Variants in THRAP3 observed in about 807,000 individuals in gnomAD.
The protein encoded by THRAP3 is thyroid hormone receptor-associated protein 3.
THRAP3 carries 16 observed loss-of-function variants against 101.0 expected under a neutral mutation model. The observed-to-expected ratio is 0.16, with a 90% CI of 0.11 to 0.24. The LOEUF (loss-of-function observed/expected upper bound fraction) is 0.24. Among genes scored for constraint, THRAP3 ranks in the 10% least tolerant of loss-of-function variants. The pLI is 1.00. For missense variants in THRAP3, 989 were observed against 1,202.7 expected (o/e 0.82, Z 2.63); for synonymous variants, 407 against 422.6 (o/e 0.96, Z 0.45).
chr1:36,242,654 G>A (rs144867657), intron 1 of THRAP3, among the ~76,000 whole-genome samples: 1 of 151,720 alleles, frequency 6.6e-6, no homozygotes, highest in Non-Finnish European at 1.5e-5. Context: ...GGGTTTCACT[G>A]TGTTAGCCAG....
At chr1:36,267,352 G>A (rs1327870769) in intron 2 of THRAP3, among the ~76,000 whole-genome samples, 3 of 151,962 alleles carry the variant, frequency 2.0e-5, no homozygotes, top group Non-Finnish European at 2.9e-5. Flanking sequence ...CCCTCTATTC[G>A]TGTATAATTT....
At chr1:36,283,220 T>C (rs1425703603) in intron 3 of THRAP3, among the ~76,000 whole-genome samples, 5 of 152,338 alleles carry the variant, frequency 3.3e-5, no homozygotes, top group East Asian at 3.9e-4. Context: ...CTTAAAACTT[T>C]TTAAAAATCG....
intron 1 of THRAP3, among the ~76,000 whole-genome samples, chr1:36,245,954 A>G (rs1460125900): frequency 6.6e-6 from 1 of 152,214 alleles, no homozygotes; most frequent in Non-Finnish European, 1.5e-5. Flanking sequence ...CTGTGCTTAC[A>G]GTCGTTCTAA....
At chr1:36,298,635 G>A (rs919345750) in intron 9 of THRAP3, among the ~76,000 whole-genome samples, 2 of 151,978 alleles carry the variant, frequency 1.3e-5, no homozygotes. Context: ...GCTGAGCTAG[G>A]AGTACAGGTA....
chr1:36,229,477 T>G (rs1645002115), intron 1 of THRAP3, among the ~76,000 whole-genome samples: 1 of 151,784 alleles, frequency 6.6e-6, no homozygotes, highest in Non-Finnish European at 1.5e-5. Flanking sequence ...TGTAGAAATT[T>G]TAGTTTCTTT....
intron 2 of THRAP3, among the ~76,000 whole-genome samples, chr1:36,266,705 G>A (rs1305305404): frequency 2.0e-5 from 3 of 152,120 alleles, no homozygotes; most frequent in Non-Finnish European, 2.9e-5. Context: ...AAGTGAGGTT[G>A]GTACTACCTG....
At chr1:36,296,865 G>A (rs1447464579) in intron 9 of THRAP3, 95 bp downstream of exon 9, 18 of 1,024,470 alleles carry the variant, frequency 1.8e-5, no homozygotes, top group Non-Finnish European at 2.4e-5. Flanking sequence ...AGGAGTTTAG[G>A]GTTAGTAATT....
chr1:36,287,903 G>A, intron 4 of THRAP3: 8 of 985,460 alleles, frequency 8.1e-6, no homozygotes, highest in Non-Finnish European at 9.6e-6. Flanking sequence ...TGTTTGTATG[G>A]TTGGATGGAT....
chr1:36,228,809 T>C (rs1644991893), intron 1 of THRAP3, among the ~76,000 whole-genome samples: 1 of 152,168 alleles, frequency 6.6e-6, no homozygotes, highest in Non-Finnish European at 1.5e-5. Flanking sequence ...TAAGAAACAA[T>C]GTTCTAGACC....
In THRAP3 at chr1:36,276,631, C is replaced by T. The variant is rs143857997; in HGVS notation, c.-31-5902C>T. On this transcript the variant is annotated intron_variant, in intron 2 of 11. Transcript: ENST00000354618. ...CAGCACTTTGGGAGGCTGAGACAGG[C>T]AGATCACCTGAGGTCAGGAGTTTGA... 9.6e-3 allele frequency among the ~76,000 whole-genome samples: 1,453 copies of T among 151,886 alleles called. 15 individuals are homozygous for T. Among genetic ancestry groups the T allele is most frequent in the African/African-American group, 0.034 (1,392 of 41,420 alleles).
rs745696305 is a variant in THRAP3, at chr1:36,289,553, C to T, written c.1534C>T (p.His512Tyr). 1 of 1,614,016 alleles carries T rather than the reference C, an allele frequency of 6.2e-7. No individual in the cohort carries two copies. The highest frequency in any genetic ancestry group is 1.7e-5 in the Admixed American group (1 of 59,982). Residue 512 changes from histidine to tyrosine, a missense_variant, in exon 5 of 12, where the codon CAC becomes TAC. Transcript: ENST00000354618. ...EDRGKRSEGG[H>Y]RGFVPEKNFR... ...TCGGGGCAAGAGAAGCGAAGGTGGG[C>T]ACAGGGGCTTTGTGCCTGAGAAGAA...
chr1:36,245,403 A>G (rs889858330), intron 1 of THRAP3, among the ~76,000 whole-genome samples: 15 of 151,590 alleles, frequency 9.9e-5, no homozygotes, highest in African/African-American at 3.4e-4. Context: ...TCCTGACCTC[A>G]GGTGATCTCC....
chr1:36,240,064 G>A (rs890797014), intron 1 of THRAP3, among the ~76,000 whole-genome samples: 2 of 152,166 alleles, frequency 1.3e-5, no homozygotes, highest in African/African-American at 4.8e-5. Flanking sequence ...CATAAGAACA[G>A]CTTGTAACAG....
intron 1 of THRAP3, among the ~76,000 whole-genome samples, chr1:36,237,090 C>T (rs975774257): frequency 2.0e-5 from 3 of 152,178 alleles, no homozygotes; most frequent in South Asian, 2.1e-4. Flanking sequence ...GCAGGAGAAT[C>T]GCTTGAACCT....
chr1:36,245,152 C>T (rs1019594761), intron 1 of THRAP3, among the ~76,000 whole-genome samples: 4 of 151,558 alleles, frequency 2.6e-5, no homozygotes, highest in African/African-American at 9.7e-5. Flanking sequence ...CTGCATGTGA[C>T]ACCCCCATCC....
At chr1:36,211,215 A>G in the THRAP3 span, among the ~76,000 whole-genome samples, 1 of 151,522 alleles carries the variant, frequency 6.6e-6, no homozygotes, top group African/African-American at 2.4e-5. Context: ...AAAAAAATTA[A>G]CTGTGCCTGG....
intron 10 of THRAP3, 106 bp from the exon 11 acceptor site, chr1:36,301,447 C>A: frequency 1.5e-6 from 2 of 1,378,794 alleles, no homozygotes; most frequent in Non-Finnish European, 2.0e-6. Flanking sequence ...GACTGGAAGA[C>A]AGCTGTCTAT....
chr1:36,252,266 T>C (rs1193076455), intron 1 of THRAP3, among the ~76,000 whole-genome samples: 2 of 152,174 alleles, frequency 1.3e-5, no homozygotes, highest in Admixed American at 1.3e-4. Context: ...ACTGGAATTA[T>C]AGGCATGTGC....
intron 3 of THRAP3, among the ~76,000 whole-genome samples, chr1:36,284,547 C>T (rs1172387440): frequency 2.6e-5 from 4 of 152,274 alleles, no homozygotes; most frequent in African/African-American, 7.2e-5. Flanking sequence ...AGAAACCATG[C>T]CTTTAAATTA....
Sources: gnomAD v4.1 joint callset for allele counts (sites outside exome capture counted in the v4.1 genomes callset) on GRCh38, gnomAD v4.1.1 for gene constraint, MANE v1.5 for transcripts, NCBI Gene and HGNC (gene_info 2026-07-23, HGNC 2026-07-21) for gene names.